PRUNE2: variants seen among roughly 807,000 people sequenced by gnomAD.
PRUNE2 encodes the protein prune homolog 2 with BCH domain.
A neutral mutation model predicts 252.0 loss-of-function variants in PRUNE2; 164 were observed. The ratio of observed to expected loss-of-function variants is 0.65; its 90% CI spans 0.57 to 0.74. The LOEUF is 0.74. Ranked by LOEUF, PRUNE2 falls within the 30% of genes least tolerant of loss-of-function variation. PRUNE2 has a pLI of 0.00. For synonymous variants in PRUNE2, 1,292 were observed against 1,350.2 expected (o/e 0.96, Z 0.94); for missense variants, 3,495 against 3,711.0 (o/e 0.94, Z 1.51).
chr9:76,786,293 C>T (rs941724571), intron 6 of PRUNE2: 1 of 152,110 alleles, frequency 6.6e-6, no homozygotes, highest in African/African-American at 2.4e-5. Context: ...AATATAAGAA[C>T]TCTGAGTGAT....
At position 76,753,384 on chromosome 9, in the gene PRUNE2, A is replaced by G. The variant is rs544905282; in HGVS notation, c.757-39663T>C. On this transcript the variant is annotated intron_variant, in intron 6 of 18. Transcript: ENST00000376718. ...GGATGCAATTTATATGAAACTTACA[A>G]TATGACATTAGAACTGAGAGCCATC... Among the ~76,000 whole-genome samples the G allele has an allele frequency of 3.3e-5, 5 of 152,308 alleles. No homozygotes were observed. In the South Asian group the frequency reaches 8.3e-4, roughly 25 times the overall value.
chr9:76,797,439 C>T (rs2131503204), intron 6 of PRUNE2, among the ~76,000 whole-genome samples: 1 of 151,936 alleles, frequency 6.6e-6, no homozygotes, highest in East Asian at 1.9e-4. Flanking sequence ...GCATATTTTA[C>T]CAGATAATAT....
intron 3 of PRUNE2, among the ~76,000 whole-genome samples, chr9:76,846,969 C>T (rs549958651): frequency 3.9e-5 from 6 of 152,078 alleles, no homozygotes; most frequent in Non-Finnish European, 8.8e-5. Flanking sequence ...CACCACAGGC[C>T]GGATACTATT....
chr9:76,725,319 C>T (rs1444069572), intron 6 of PRUNE2, among the ~76,000 whole-genome samples: 2 of 152,208 alleles, frequency 1.3e-5, no homozygotes, highest in African/African-American at 2.4e-5. Context: ...GTTCCTCACG[C>T]TCCTTGCATG....
At chr9:76,693,230 T>A (rs1327699679) in intron 9 of PRUNE2, among the ~76,000 whole-genome samples, 1 of 151,892 alleles carries the variant, frequency 6.6e-6, no homozygotes, top group African/African-American at 2.4e-5. Context: ...TCTAGCAAAA[T>A]GTCAATTTGG....
intron 12 of PRUNE2, among the ~76,000 whole-genome samples, chr9:76,644,169 TTGTCTCTCACC>T (rs1469663493): frequency 6.6e-6 from 1 of 152,138 alleles, no homozygotes; most frequent in Non-Finnish European, 1.5e-5. Flanking sequence ...TCTCTCTCCC[TTGTCTCTCACC>T]AAACAGGTGG....
At chr9:76,660,254 G>A (rs1387993928) in intron 9 of PRUNE2, among the ~76,000 whole-genome samples, 2 of 152,128 alleles carry the variant, frequency 1.3e-5, no homozygotes, top group African/African-American at 4.8e-5. Context: ...TCTATATAGG[G>A]CTCTGGACCT....
intron 9 of PRUNE2, among the ~76,000 whole-genome samples, chr9:76,702,007 G>C (rs2045922857): frequency 6.6e-6 from 1 of 151,834 alleles, no homozygotes; most frequent in Non-Finnish European, 1.5e-5. Flanking sequence ...GTGGGTATGT[G>C]ATGTGTATAG....
chr9:76,773,804 A>G (rs1239878733), intron 6 of PRUNE2, among the ~76,000 whole-genome samples: 1 of 152,156 alleles, frequency 6.6e-6, no homozygotes, highest in African/African-American at 2.4e-5. Context: ...CTATGTTTCA[A>G]CTGGTAAAGG....
chr9:76,713,198 A>G (rs12348027), intron 7 of PRUNE2, among the ~76,000 whole-genome samples: 3,821 of 152,134 alleles, frequency 0.025, 155 homozygotes, highest in African/African-American at 0.087. Flanking sequence ...AAAGCATCAG[A>G]TCACCAGGTC....
chr9:76,831,509 A>C (rs1389916310), intron 4 of PRUNE2, among the ~76,000 whole-genome samples: 1 of 152,042 alleles, frequency 6.6e-6, no homozygotes, highest in Non-Finnish European at 1.5e-5. Flanking sequence ...ATATATGGAT[A>C]ATTAAAATAC....
chr9:76,884,712 T>C (rs2061987760), intron 1 of PRUNE2, among the ~76,000 whole-genome samples: 1 of 152,222 alleles, frequency 6.6e-6, no homozygotes, highest in Non-Finnish European at 1.5e-5. Flanking sequence ...TTTAAAATAT[T>C]AAAATGGATC....
At chr9:76,673,445 A>G (rs1250466388) in intron 9 of PRUNE2, among the ~76,000 whole-genome samples, 3 of 124,802 alleles carry the variant, frequency 2.4e-5, no homozygotes, top group African/African-American at 6.2e-5. Context: ...CCAGGACCAG[A>G]TGGATTCACA....
At chr9:76,841,939 C>G (rs571742318) in intron 4 of PRUNE2, among the ~76,000 whole-genome samples, 12 of 152,184 alleles carry the variant, frequency 7.9e-5, no homozygotes, top group Admixed American at 7.2e-4. Flanking sequence ...CTATTGAATC[C>G]CCACCTGAGA....
intron 1 of PRUNE2, among the ~76,000 whole-genome samples, chr9:76,882,927 G>T (rs964392611): frequency 6.6e-6 from 1 of 152,136 alleles, no homozygotes; most frequent in Non-Finnish European, 1.5e-5. Context: ...GAGGCAGGAG[G>T]GCTGCAACCA....
chr9:76,707,375 G>A lies in PRUNE2; in HGVS notation c.4899C>T (p.Ser1633=), dbSNP rs773235257. ...TTTCAGGACTGGATAAAGAGGAAAA[G>A]GAATCACCATCAACTGAGTCATTCC... is the stretch of plus-strand genomic sequence containing the variant. ...EIWNDSVDGD[S]FSSLSSPETG... is the part of the protein sequence containing the mutation. The change falls in exon 8 of 19, where the codon TCC becomes TCT. Residue 1633 remains serine, a synonymous_variant. Transcript: ENST00000376718. 34 of 1,613,954 alleles carry A rather than the reference G, an allele frequency of 2.1e-5. No individual in the cohort carries two copies. The East Asian group carries it at 7.1e-4, about 34-fold the overall frequency.
At chr9:76,905,793 A>G in intron 1 of PRUNE2, 135 bp downstream of exon 1, 1 of 1,141,484 alleles carries the variant, frequency 8.8e-7, no homozygotes, top group Non-Finnish European at 1.3e-6. Context: ...GATTTCTTCC[A>G]GGAGACAACC....
chr9:76,870,386 C>T (rs1007632527), intron 1 of PRUNE2, among the ~76,000 whole-genome samples: 18 of 150,302 alleles, frequency 1.2e-4, no homozygotes, highest in African/African-American at 4.4e-4. Flanking sequence ...AGAGAACATG[C>T]TAAAAAAAAA....
At chr9:76,656,682 T>C (rs980806007) in intron 9 of PRUNE2, among the ~76,000 whole-genome samples, 5 of 152,166 alleles carry the variant, frequency 3.3e-5, no homozygotes, top group African/African-American at 1.2e-4. Flanking sequence ...CAGACCCGTC[T>C]CATTCTCGTG....
Sources: gnomAD v4.1 joint callset for allele counts (sites outside exome capture counted in the v4.1 genomes callset) on GRCh38, gnomAD v4.1.1 for gene constraint, MANE v1.5 for transcripts, NCBI Gene and HGNC (gene_info 2026-07-23, HGNC 2026-07-21) for gene names.